The following AHCYL2 variants were observed in gnomAD, a reference collection of about 807,000 sequenced individuals.
AHCYL2 encodes adenosylhomocysteinase like 2, also known as S-adenosylhomocysteine hydrolase-like protein 2.
Under a neutral mutation model 81.4 loss-of-function variants are expected in AHCYL2, and 28 were observed. The ratio of observed to expected loss-of-function variants is 0.34; its 90% CI spans 0.25 to 0.47. The LOEUF (loss-of-function observed/expected upper bound fraction) is 0.47. Ranked by LOEUF, AHCYL2 falls within the 20% of genes least tolerant of loss-of-function variation. The probability of loss-of-function intolerance (pLI) is 1.00; values close to 1 mark genes in which losing one functional copy is unlikely to be tolerated. For missense variants in AHCYL2, 551 were observed against 785.1 expected, an observed-to-expected ratio of 0.70 and a Z score of 3.56; for synonymous variants, 272 against 290.2, an observed-to-expected ratio of 0.94 and a Z score of 0.64.
rs1026378460 is a variant in AHCYL2, at chr7:129,419,679, G to A, written c.1462-3161G>A. ...TAAACATTTTTTCCAGCCGAAGAAC[G>A]ATTTAACCTGAGACTTTGTGCTTTA... On this transcript the variant is annotated intron_variant, in intron 12 of 16. Coordinates refer to ENST00000325006, the MANE Select transcript of AHCYL2 (RefSeq NM_015328.4). The surrounding 1 kb of genome is among the most constrained non-coding windows in gnomAD (Gnocchi z 4.7). 4.6e-5 allele frequency among the ~76,000 whole-genome samples: 7 copies of A among 150,796 alleles called. No individual in the cohort carries two copies. The highest frequency in any genetic ancestry group is 7.3e-5 in the African/African-American group (3 of 40,952).
At chr7:129,254,562 A>G (rs532131409) in intron 1 of AHCYL2, among the ~76,000 whole-genome samples, 78 of 152,330 alleles carry the variant, frequency 5.1e-4, no homozygotes, top group Admixed American at 2.4e-3. Context: ...TGATTGGTAC[A>G]TTGTTAATAT....
chr7:129,274,518 C>T (rs1162508044), intron 1 of AHCYL2, among the ~76,000 whole-genome samples: 2 of 152,128 alleles, frequency 1.3e-5, no homozygotes, highest in East Asian at 3.9e-4. Context: ...CAATTTCTTC[C>T]CTTCTTGCTA....
intron 1 of AHCYL2, among the ~76,000 whole-genome samples, chr7:129,295,977 T>C (rs1453294012): frequency 6.6e-6 from 1 of 152,214 alleles, no homozygotes; most frequent in East Asian, 1.9e-4. Flanking sequence ...GTTACCTTTA[T>C]TTGCTAAATA....
intron 1 of AHCYL2, among the ~76,000 whole-genome samples, chr7:129,329,016 G>T (rs1253125538): frequency 6.6e-6 from 1 of 152,130 alleles, no homozygotes; most frequent in Non-Finnish European, 1.5e-5. Context: ...ATATCTGCCT[G>T]GGACACCCTT....
chr7:129,229,145 G>A (rs1020207968), intron 1 of AHCYL2, among the ~76,000 whole-genome samples: 1 of 150,130 alleles, frequency 6.7e-6, no homozygotes, highest in African/African-American at 2.5e-5. Flanking sequence ...TCAGCTCACC[G>A]CAACCTCCGC....
At chr7:129,321,495 A>T (rs974424901) in intron 1 of AHCYL2, among the ~76,000 whole-genome samples, 14 of 152,186 alleles carry the variant, frequency 9.2e-5, no homozygotes, top group African/African-American at 3.4e-4. Context: ...CCAATCTTGC[A>T]TTATGAGATA....
chr7:129,235,307 A>C (rs771670159), intron 1 of AHCYL2, among the ~76,000 whole-genome samples: 9 of 151,478 alleles, frequency 5.9e-5, no homozygotes, highest in South Asian at 4.2e-4. Flanking sequence ...GCTGGAGTGC[A>C]ATAGTATGAT....
intron 1 of AHCYL2, among the ~76,000 whole-genome samples, chr7:129,291,611 CT>C (rs562945263): frequency 4.4e-5 from 4 of 91,712 alleles, no homozygotes; most frequent in Admixed American, 1.1e-4. Flanking sequence ...TTTTTTTTTT[CT>C]TTTTTTTTGA....
chr7:129,286,366 G>A (rs1796629657), intron 1 of AHCYL2, among the ~76,000 whole-genome samples: 1 of 151,448 alleles, frequency 6.6e-6, no homozygotes, highest in Non-Finnish European at 1.5e-5. Context: ...CTCTCCATGA[G>A]ACTTGCCTTG....
In AHCYL2 at chr7:129,368,400, A is replaced by G; in HGVS notation, c.364-11238A>G. The G allele has an allele frequency of 1.3e-6, 2 of 1,595,598 alleles. No homozygotes were observed. Among genetic ancestry groups the G allele is most frequent in the South Asian group, 1.1e-5 (1 of 88,396 alleles). ...CCACTGTGAACTTCTGAATCTCACT[A>G]GGGTTGGGTCTGCTTTGGGGCACTC... is the stretch of plus-strand genomic sequence containing the variant. On this transcript the variant is annotated intron_variant, in intron 1 of 16. Coordinates refer to ENST00000325006, the MANE Select transcript of AHCYL2 (RefSeq NM_015328.4). The surrounding 1 kb of genome is among the most constrained non-coding windows in gnomAD (Gnocchi z 4.4).
chr7:129,420,963 T>C (rs1425661414), intron 12 of AHCYL2, among the ~76,000 whole-genome samples: 1 of 152,164 alleles, frequency 6.6e-6, no homozygotes, highest in African/African-American at 2.4e-5. Context: ...AACTTGATAG[T>C]GAGTGGGCTG....
chr7:129,273,670 A>C (rs1330243484), intron 1 of AHCYL2, among the ~76,000 whole-genome samples: 1 of 152,196 alleles, frequency 6.6e-6, no homozygotes, highest in African/African-American at 2.4e-5. Flanking sequence ...AAACCTTTCA[A>C]TTAGATAAAG....
At chr7:129,270,821 G>C (rs143778589) in intron 1 of AHCYL2, among the ~76,000 whole-genome samples, 1 of 152,218 alleles carries the variant, frequency 6.6e-6, no homozygotes, top group South Asian at 2.1e-4. Flanking sequence ...TGTCCACTCC[G>C]TGTGGGCTTT....
chr7:129,336,020 GTTTCT>G (rs200433872), intron 1 of AHCYL2, among the ~76,000 whole-genome samples: 18 of 147,934 alleles, frequency 1.2e-4, no homozygotes, highest in South Asian at 2.1e-4. Flanking sequence ...AAGTACTGAA[GTTTCT>G]TTTCTTTTCT....
intron 1 of AHCYL2, among the ~76,000 whole-genome samples, chr7:129,263,908 G>A (rs1033995083): frequency 6.6e-6 from 1 of 152,220 alleles, no homozygotes; most frequent in African/African-American, 2.4e-5. Flanking sequence ...ATTGTGGGGA[G>A]AAATAAAAGA....
intron 1 of AHCYL2, among the ~76,000 whole-genome samples, chr7:129,257,793 T>C (rs552503235): frequency 7.6e-4 from 116 of 152,306 alleles, no homozygotes; most frequent in African/African-American, 2.6e-3. Context: ...ATGGTCTAGA[T>C]GTGCACATGG....
intron 1 of AHCYL2, among the ~76,000 whole-genome samples, chr7:129,284,666 A>G (rs1286741909): frequency 6.6e-6 from 1 of 151,400 alleles, no homozygotes; most frequent in Non-Finnish European, 1.5e-5. Flanking sequence ...TGTGATTCTC[A>G]CATATGGGAG....
chr7:129,400,306 C>G lies in AHCYL2; in HGVS notation c.840C>G (p.Ala280=). The change falls in exon 6 of 17, where the codon GCC becomes GCG. Residue 280 remains alanine, a synonymous_variant. Coordinates refer to ENST00000325006, the MANE Select transcript of AHCYL2 (RefSeq NM_015328.4). ...ALAESGFPVF[A]WKGESEDDFW... is the part of the protein sequence containing the mutation. ...TTTTCCCAGGATTTCCTGTTTTTGC[C>G]TGGAAGGGAGAGTCAGAAGATGACT... The G allele has an allele frequency of 6.2e-7, 1 of 1,612,026 alleles. No individual in the cohort carries two copies. Among genetic ancestry groups the G allele is most frequent in the Non-Finnish European group, 8.5e-7 (1 of 1,178,840 alleles).
Position 129,379,721 on chromosome 7 carries a change from T to G in AHCYL2, c.447T>G (p.Ser149=). ...IGRRSLSRSI[S]QSSTDSYSSA... is the part of the protein sequence containing the mutation. ...GTCGCTCTTTGTCTCGTTCCATTTCTCAGTCATCTACTGACAGCTACAGCT... is the reference window on the plus strand; with the variant it reads ...GTCGCTCTTTGTCTCGTTCCATTTCGCAGTCATCTACTGACAGCTACAGCT... Residue 149 remains serine (S), a synonymous_variant, in exon 2 of 17, where the codon TCT becomes TCG. Coordinates refer to ENST00000325006, the MANE Select transcript of AHCYL2 (RefSeq NM_015328.4). 1 of 1,614,162 alleles carries G rather than the reference T, an allele frequency of 6.2e-7. No individual in the cohort carries two copies. Among genetic ancestry groups the G allele is most frequent in the Non-Finnish European group, 8.5e-7 (1 of 1,180,016 alleles).
Sources: allele counts gnomAD v4.1 joint callset (sites outside exome capture counted in the v4.1 genomes callset), GRCh38; gene constraint gnomAD v4.1.1; non-coding constraint Gnocchi (gnomAD v3.1); transcripts MANE v1.5; gene names NCBI Gene and HGNC (gene_info 2026-07-23, HGNC 2026-07-21).